The following UBE2QL1 variants were observed in gnomAD, a reference collection of about 807,000 sequenced individuals.
UBE2QL1 encodes ubiquitin-conjugating enzyme E2Q-like protein 1.
Under a neutral mutation model 12.6 loss-of-function variants are expected in UBE2QL1, and 5 were observed. That is an observed-to-expected ratio of 0.40 (90% CI 0.21 to 0.83). The LOEUF is 0.83. Ranked by LOEUF, UBE2QL1 falls within the 40% of genes least tolerant of loss-of-function variation. UBE2QL1 has a pLI of 0.37. For synonymous variants in UBE2QL1, 96 were observed against 94.5 expected (o/e 1.02, Z -0.10); for missense variants, 99 against 222.6 (o/e 0.44, Z 3.53).
At chr5:6,474,334 G>T (rs939044937) in intron 1 of UBE2QL1, among the ~76,000 whole-genome samples, 1 of 152,230 alleles carries the variant, frequency 6.6e-6, no homozygotes, top group African/African-American at 2.4e-5. Flanking sequence ...GCCGGAGAAG[G>T]TTGGGAAGTC....
intron 1 of UBE2QL1, among the ~76,000 whole-genome samples, chr5:6,455,095 G>A (rs1192016262): frequency 6.6e-6 from 1 of 152,164 alleles, no homozygotes; most frequent in Non-Finnish European, 1.5e-5. Flanking sequence ...GCAGGAAGAG[G>A]GTTGTAGTGT....
In UBE2QL1 at chr5:6,461,545, C is replaced by CG. The variant is rs1553987862; in HGVS notation, c.354+12298_354+12299insG. Among the ~76,000 whole-genome samples, 4 of 108,490 alleles carry CG rather than the reference C, an allele frequency of 3.7e-5. 2 individuals are homozygous for CG. The highest frequency in any genetic ancestry group is 2.0e-4 in the Admixed American group (2 of 9,938). 71.2% of individuals were successfully genotyped at this position (108,490 alleles called of 152,430 possible). On this transcript the variant is annotated intron_variant, in intron 1 of 1. Coordinates refer to ENST00000399816, the MANE Select transcript of UBE2QL1 (RefSeq NM_001145161.3). ...CCCAGTGTTTTTCAGCACCCACCAC[C>CG]CCCCCCCGCCGGCATATCATTCTAG...
At chr5:6,477,111 C>A (rs1293840492) in intron 1 of UBE2QL1, among the ~76,000 whole-genome samples, 4 of 152,194 alleles carry the variant, frequency 2.6e-5, no homozygotes, top group Admixed American at 1.3e-4. Flanking sequence ...CGCCCACACT[C>A]TCAGGGCCAG....
rs971027937 is a variant in UBE2QL1 at position 6,449,260 on chromosome 5, C to T, written c.354+13C>T. 2 of 1,371,768 alleles carry T rather than the reference C, an allele frequency of 1.5e-6. No homozygotes were observed. Among genetic ancestry groups the T allele is most frequent in the Non-Finnish European group, 1.9e-6 (2 of 1,063,866 alleles). The allele number at this position is 1,371,768 out of a possible 1,614,324, so 85.0% of individuals were successfully genotyped here. On this transcript the variant is annotated intron_variant, in intron 1 of 1. Transcript: ENST00000399816. Reference sequence around the variant, plus strand: ...GGTCAAGGGCCAGGTAAGGCGAGCGCGCCGGGGCTGGGGGCGCGGGGCCGA... The same window carrying T: ...GGTCAAGGGCCAGGTAAGGCGAGCGTGCCGGGGCTGGGGGCGCGGGGCCGA...
rs570935115 is a variant in UBE2QL1 at position 6,481,300 on chromosome 5, G to C, written c.355-9918G>C. On this transcript the variant is annotated intron_variant, in intron 1 of 1. Coordinates refer to ENST00000399816, the MANE Select transcript of UBE2QL1 (RefSeq NM_001145161.3). This position sits in a 1 kb window ranked among gnomAD's most constrained non-coding sequence, Gnocchi z 4.5. ...TCTCTCTCTGCAGGCCTGGCCCCGG[G>C]TCACTTGGCATGGTGGCCCACCACC... Among the ~76,000 whole-genome samples the C allele has an allele frequency of 6.6e-6, 1 of 152,298 alleles. No individual in the cohort carries two copies. Among genetic ancestry groups the C allele is most frequent in the South Asian group, 2.1e-4 (1 of 4,828 alleles).
Position 6,465,858 on chromosome 5 carries a change from G to A in UBE2QL1, c.354+16611G>A, listed in dbSNP as rs567358329. On this transcript the variant is annotated intron_variant, in intron 1 of 1. Transcript: ENST00000399816. The stretch of plus-strand genomic sequence containing the variant: ...CGTGAGGACGGAACCTGGACTCCTC[G>A]CCATTTCTGCATTTCCACGTTTGCT... 8.5e-5 allele frequency among the ~76,000 whole-genome samples: 13 copies of A among 152,288 alleles called. No individual in the cohort carries two copies. In the East Asian group the frequency reaches 1.2e-3, roughly 14 times the overall value.
At chr5:6,474,801 C>G (rs2126356286) in intron 1 of UBE2QL1, among the ~76,000 whole-genome samples, 1 of 152,284 alleles carries the variant, frequency 6.6e-6, no homozygotes, top group Admixed American at 6.5e-5. Flanking sequence ...CTGGAGGTTC[C>G]ATCCTCACAC....
chr5:6,477,215 T>A (rs912877225), intron 1 of UBE2QL1, among the ~76,000 whole-genome samples: 1 of 152,250 alleles, frequency 6.6e-6, no homozygotes, highest in Non-Finnish European at 1.5e-5. Context: ...CCTCACAAAC[T>A]GACCTTTGGC....
rs150557397 is a variant in UBE2QL1 at position 6,454,834 on chromosome 5, G to A, written c.354+5587G>A. On this transcript the variant is annotated intron_variant, in intron 1 of 1. Transcript: ENST00000399816. ...TGTGTTGTGTCCTGCACTGTGTACA[G>A]GGCACGGAGATTATTGCCACCACCG... is the stretch of plus-strand genomic sequence containing the variant. 1.1e-3 allele frequency among the ~76,000 whole-genome samples: 170 copies of A among 152,270 alleles called. 3 individuals carry two copies. Among genetic ancestry groups the A allele is most frequent in the African/African-American group, 3.7e-3 (155 of 41,564 alleles).
chr5:6,468,507 C>G (rs917332603), intron 1 of UBE2QL1, among the ~76,000 whole-genome samples: 3 of 152,312 alleles, frequency 2.0e-5, no homozygotes, highest in Admixed American at 2.0e-4. Context: ...AAACAGCCGC[C>G]TGGAGCATCA....
intron 1 of UBE2QL1, among the ~76,000 whole-genome samples, chr5:6,451,360 T>C (rs1739409198): frequency 6.6e-6 from 1 of 152,240 alleles, no homozygotes; most frequent in South Asian, 2.1e-4. Context: ...AGCGGCAATA[T>C]AGCAATGGGC....
intron 1 of UBE2QL1, among the ~76,000 whole-genome samples, chr5:6,461,947 G>T (rs1393542255): frequency 6.6e-6 from 1 of 152,136 alleles, no homozygotes; most frequent in African/African-American, 2.4e-5. Context: ...TCAGCCCTCG[G>T]CGTCCCCAGC....
Position 6,481,274 on chromosome 5 carries a change from G to A in UBE2QL1, c.355-9944G>A, listed in dbSNP as rs766493495. Among the ~76,000 whole-genome samples, 61 of 152,158 alleles carry A rather than the reference G, an allele frequency of 4.0e-4. No individual in the cohort carries two copies. Among genetic ancestry groups the A allele is most frequent in the Non-Finnish European group, 7.8e-4 (53 of 68,016 alleles). On this transcript the variant is annotated intron_variant, in intron 1 of 1. Coordinates refer to ENST00000399816, the MANE Select transcript of UBE2QL1 (RefSeq NM_001145161.3). The surrounding 1 kb of genome is among the most constrained non-coding windows in gnomAD (Gnocchi z 4.5). ...CCCCACAGCCTGCTCCTAAGACAGC[G>A]TCTCTCTCTGCAGGCCTGGCCCCGG...
At chr5:6,465,055 C>T (rs1162970979) in intron 1 of UBE2QL1, among the ~76,000 whole-genome samples, 3 of 151,112 alleles carry the variant, frequency 2.0e-5, no homozygotes, top group African/African-American at 2.4e-5. Flanking sequence ...TGCACAATCT[C>T]GGCTCATTGC....
intron 1 of UBE2QL1, among the ~76,000 whole-genome samples, chr5:6,459,137 C>G (rs1025036953): frequency 6.6e-6 from 1 of 152,108 alleles, no homozygotes. Context: ...CCCCACCCCT[C>G]CAGAGCCCTG....
At position 6,496,561 on chromosome 5, in the gene UBE2QL1, G is replaced by GA. The variant is rs912208620; in HGVS notation, c.*5219dup. 4.6e-5 allele frequency among the ~76,000 whole-genome samples: 7 copies of GA among 151,642 alleles called. No homozygotes were observed. In the East Asian group the frequency reaches 5.8e-4, roughly 13 times the overall value. ...CTCTTCTGTGATCCTCAAAAGAAGA[G>GA]AAAAAAACGCATGTGGCATAAATCA... On this transcript the variant is annotated 3_prime_UTR_variant, in exon 2 of 2. Transcript: ENST00000399816.
intron 1 of UBE2QL1, among the ~76,000 whole-genome samples, chr5:6,455,137 C>T (rs1054929308): frequency 6.6e-6 from 1 of 152,122 alleles, no homozygotes; most frequent in South Asian, 2.1e-4. Flanking sequence ...TTCCCTTAAG[C>T]GATGGGGGAG....
In UBE2QL1 at chr5:6,479,535, G is replaced by A. The variant is rs1734316359; in HGVS notation, c.355-11683G>A. Among the ~76,000 whole-genome samples, 1 of 152,144 alleles carries A rather than the reference G, an allele frequency of 6.6e-6. No individual in the cohort carries two copies. Among genetic ancestry groups the A allele is most frequent in the Admixed American group, 6.5e-5 (1 of 15,270 alleles). The stretch of plus-strand genomic sequence containing the variant: ...AAAATGTTGAAGCAAATGAAGAGGT[G>A]CTGATGTCTGTATCCTCCGGTGAGT... On this transcript the variant is annotated intron_variant, in intron 1 of 1. Transcript: ENST00000399816. The surrounding 1 kb of genome is among the most constrained non-coding windows in gnomAD (Gnocchi z 4.2).
intron 1 of UBE2QL1, among the ~76,000 whole-genome samples, chr5:6,463,644 T>TAC (rs1739723891): frequency 6.7e-6 from 1 of 149,142 alleles, no homozygotes; most frequent in Non-Finnish European, 1.5e-5. Flanking sequence ...ATTATTATTT[T>TAC]TGATGCGGAG....
Sources: gnomAD v4.1 joint callset for allele counts (sites outside exome capture counted in the v4.1 genomes callset) on GRCh38, gnomAD v4.1.1 for gene constraint, Gnocchi (gnomAD v3.1) non-coding constraint, MANE v1.5 for transcripts, NCBI Gene and HGNC (gene_info 2026-07-23, HGNC 2026-07-21) for gene names.